The following LIFR variants were observed in gnomAD, a reference collection of about 807,000 sequenced individuals.
The protein encoded by LIFR is LIF receptor subunit alpha, also known as leukemia inhibitory factor receptor.
LIFR carries 84 observed loss-of-function variants against 122.2 expected under a neutral mutation model. The ratio of observed to expected loss-of-function variants is 0.69; its 90% confidence interval spans 0.58 to 0.82. The LOEUF (loss-of-function observed/expected upper bound fraction) is 0.82. LIFR is among the 40% of genes least tolerant of loss of function. The pLI is 0.00. For missense variants in LIFR, 1,294 were observed against 1,311.6 expected (o/e 0.99, Z 0.21); for synonymous variants, 422 against 434.7 (o/e 0.97, Z 0.36).
chr5:38,601,052 CAT>C (rs1378131051), intron 2 of LIFR, among the ~76,000 whole-genome samples: 2 of 152,182 alleles, frequency 1.3e-5, no homozygotes, highest in Non-Finnish European at 2.9e-5. Flanking sequence ...TATGTTGAAA[CAT>C]ATGTCTATCT....
At chr5:38,490,884 A>G (rs1436049040) in intron 14 of LIFR, 2 of 152,150 alleles carry the variant, frequency 1.3e-5, no homozygotes, top group Non-Finnish European at 2.9e-5. Flanking sequence ...CTTGATTTTA[A>G]TGAACAAAAT....
intron 1 of LIFR, among the ~76,000 whole-genome samples, chr5:38,545,871 GA>G (rs371497950): frequency 0.021 from 1,803 of 87,800 alleles, 23 homozygotes; most frequent in African/African-American, 0.063. Flanking sequence ...CAAAAAAAAA[GA>G]AAAAAAAAAA....
At chr5:38,491,649 C>T (rs971577203) in intron 14 of LIFR, among the ~76,000 whole-genome samples, 18 of 152,220 alleles carry the variant, frequency 1.2e-4, no homozygotes, top group African/African-American at 4.3e-4. Context: ...CACCAGTGGC[C>T]TACAGGCTCC....
At chr5:38,543,944 T>C (rs183652797) in intron 1 of LIFR, among the ~76,000 whole-genome samples, 2 of 152,152 alleles carry the variant, frequency 1.3e-5, no homozygotes, top group Non-Finnish European at 2.9e-5. Flanking sequence ...CCTCCTAAAT[T>C]TGTTCTTCCC....
At position 38,496,606 on chromosome 5, in the gene LIFR, CAG is replaced by C; in HGVS notation, c.1672-13_1672-12del. 3 of 1,587,440 alleles carry C rather than the reference CAG, an allele frequency of 1.9e-6. No individual in the cohort carries two copies. Among genetic ancestry groups the C allele is most frequent in the Non-Finnish European group, 2.6e-6 (3 of 1,156,074 alleles). ...ATTAATGGGTAAAGGCTATGAAAAA[CAG>C]ACAAATTGTTATAAAACCCTGCAAA... On this transcript the variant is annotated splice_polypyrimidine_tract_variant and intron_variant, in intron 12 of 19. Transcript: ENST00000453190.
At chr5:38,506,355 G>T (rs1272704088) in intron 8 of LIFR, 148 bp downstream of exon 8, 2 of 880,568 alleles carry the variant, frequency 2.3e-6, no homozygotes, top group Admixed American at 2.0e-5. Context: ...TGGCTGAACT[G>T]CAGTGCTTAT....
intron 2 of LIFR, among the ~76,000 whole-genome samples, chr5:38,530,082 T>C (rs1746920340): frequency 6.6e-6 from 1 of 152,090 alleles, no homozygotes; most frequent in African/African-American, 2.4e-5. Flanking sequence ...TCTAAAAAGG[T>C]AACATTATAG....
intron 1 of LIFR, among the ~76,000 whole-genome samples, chr5:38,586,736 C>A (rs1298459543): frequency 5.9e-5 from 9 of 152,056 alleles, no homozygotes; most frequent in African/African-American, 1.2e-4. Flanking sequence ...TGCAAACACA[C>A]AATTATACTA....
At chr5:38,516,191 C>G (rs1288112210) in intron 5 of LIFR, among the ~76,000 whole-genome samples, 1 of 152,142 alleles carries the variant, frequency 6.6e-6, no homozygotes, top group African/African-American at 2.4e-5. Flanking sequence ...TTTAGCCTAA[C>G]AGTCCCTTCA....
intron 1 of LIFR, among the ~76,000 whole-genome samples, chr5:38,554,767 TC>T (rs1453822553): frequency 1.3e-5 from 2 of 152,186 alleles, no homozygotes; most frequent in Admixed American, 6.5e-5. Context: ...AGAGGTATAC[TC>T]CGTATCTTTT....
chr5:38,539,676 T>TGG (rs60779829), intron 1 of LIFR, among the ~76,000 whole-genome samples: 1 of 151,484 alleles, frequency 6.6e-6, no homozygotes, highest in African/African-American at 2.4e-5. Context: ...TTTGGTTTTT[T>TGG]GGGGGGGGTA....
intron 12 of LIFR, among the ~76,000 whole-genome samples, chr5:38,498,872 GT>G (rs1745028151): frequency 6.6e-6 from 1 of 151,988 alleles, no homozygotes; most frequent in Non-Finnish European, 1.5e-5. Context: ...GACGTCAAAA[GT>G]TTTTTTAAAT....
chr5:38,503,615 T>C (rs1291503810), intron 10 of LIFR, among the ~76,000 whole-genome samples: 1 of 152,188 alleles, frequency 6.6e-6, no homozygotes, highest in African/African-American at 2.4e-5. Flanking sequence ...TTACAGCTTG[T>C]TCCCACTGCC....
chr5:38,536,045 C>T lies in LIFR; in HGVS notation c.-19-5379G>A, dbSNP rs777858434. Among the ~76,000 whole-genome samples the T allele has an allele frequency of 4.6e-5, 7 of 152,228 alleles. No homozygotes were observed. The Middle Eastern group carries it at 0.01, about 222-fold the overall frequency. On this transcript the variant is annotated intron_variant, in intron 1 of 19. Coordinates refer to ENST00000453190, the MANE Select transcript of LIFR (RefSeq NM_001127671.2). ...CATGCTACATTTTTTTGTGTGACAT[C>T]GTATCTTTATCTTTGGTGAAGAGAG...
At chr5:38,584,906 G>A (rs1749698014) in intron 1 of LIFR, among the ~76,000 whole-genome samples, 2 of 152,224 alleles carry the variant, frequency 1.3e-5, no homozygotes, top group South Asian at 2.1e-4. Flanking sequence ...GGATAGATGC[G>A]TGAATTTGCT....
intron 1 of LIFR, among the ~76,000 whole-genome samples, chr5:38,535,324 G>C (rs1194120219): frequency 6.6e-6 from 1 of 152,140 alleles, no homozygotes; most frequent in Non-Finnish European, 1.5e-5. Flanking sequence ...GTTTGTCATT[G>C]CCTCTGAGAG....
In LIFR at chr5:38,565,064, A is replaced by G. The variant is rs58723055; in HGVS notation, c.-20+30197T>C. 4.2e-3 allele frequency among the ~76,000 whole-genome samples: 644 copies of G among 152,222 alleles called. 4 individuals carry two copies. The highest frequency in any genetic ancestry group is 0.014 in the African/African-American group (602 of 41,538). ...GCTGGGATTACAGGTGTGAGCTTTC[A>G]TCTTTATTTTGCACAGCAGTTTAGT... On this transcript the variant is annotated intron_variant, in intron 1 of 19. Transcript: ENST00000263409.
chr5:38,481,727 A>G lies in LIFR; in HGVS notation c.3162T>C (p.Ile1054=). 1.9e-6 allele frequency: 3 copies of G among 1,614,182 alleles called. No individual in the cohort carries two copies. The highest frequency in any genetic ancestry group is 1.7e-6 in the Non-Finnish European group (2 of 1,180,030). ...TGGAGCATGGACTTCCAAATGAGACAATCTCACTGTTGCTGTCTATGGATC... is the reference window on the plus strand; with the variant it reads ...TGGAGCATGGACTTCCAAATGAGACGATCTCACTGTTGCTGTCTATGGATC... ...SPRSIDSNSE[I]VSFGSPCSIN... is the part of the protein sequence containing the mutation. Residue 1054 remains isoleucine, a synonymous_variant, in exon 20 of 20, where the codon ATT becomes ATC. Coordinates refer to ENST00000453190, the MANE Select transcript of LIFR (RefSeq NM_001127671.2).
intron 2 of LIFR, among the ~76,000 whole-genome samples, chr5:38,602,387 C>A (rs1750237900): frequency 2.0e-5 from 3 of 152,238 alleles, no homozygotes; most frequent in Admixed American, 2.0e-4. Flanking sequence ...CAATTCCACA[C>A]CCTTGCACAT....
Sources: gnomAD v4.1 joint callset for allele counts (sites outside exome capture counted in the v4.1 genomes callset) on GRCh38, gnomAD v4.1.1 for gene constraint, MANE v1.5 for transcripts, NCBI Gene and HGNC (gene_info 2026-07-23, HGNC 2026-07-21) for gene names.